The following CDH5 variants were observed in gnomAD, a reference collection of about 807,000 sequenced individuals.
The protein encoded by CDH5 is cadherin-5.
In CDH5, 28 loss-of-function variants were observed where a neutral mutation model predicts 62.0. The observed-to-expected ratio is 0.45, with a 90% CI of 0.33 to 0.62. CDH5 has a LOEUF of 0.62. Ranked by LOEUF, CDH5 falls within the 20% of genes least tolerant of loss-of-function variation. CDH5 has a pLI of 0.02. For synonymous variants in CDH5, 464 were observed against 445.8 expected, an observed-to-expected ratio of 1.04 and a Z score of -0.52; for missense variants, 940 against 1,065.1, an observed-to-expected ratio of 0.88 and a Z score of 1.63.
At chr16:66,379,205 G>T in intron 1 of CDH5, 114 bp from the exon 2 acceptor site, 1 of 761,248 alleles carries the variant, frequency 1.3e-6, no homozygotes, top group African/African-American at 1.7e-5. Flanking sequence ...CGCAGATTGT[G>T]TTTGCCCCAG....
chr16:66,376,540 G>A (rs1352949165), intron 1 of CDH5: 3 of 152,210 alleles, frequency 2.0e-5, no homozygotes, highest in African/African-American at 7.2e-5. Context: ...CTGCTTCAGA[G>A]AGGTGGGCTC....
At position 66,388,308 on chromosome 16, in the gene CDH5, G is replaced by C. The variant is rs376992967; in HGVS notation, c.500-16G>C. 1.3e-4 allele frequency: 206 copies of C among 1,565,928 alleles called. No homozygotes were observed. The highest frequency in any genetic ancestry group is 1.7e-4 in the Non-Finnish European group (190 of 1,136,336). On this transcript the variant is annotated splice_polypyrimidine_tract_variant and intron_variant, in intron 3 of 11. Coordinates refer to ENST00000341529, the MANE Select transcript of CDH5 (RefSeq NM_001795.5). Reference sequence around the variant, plus strand: ...AGCAGTCACAAGTCAGCAACCCCAGGATTCTCTCTCTGCAGGGACCTCAGT... The same window carrying C: ...AGCAGTCACAAGTCAGCAACCCCAGCATTCTCTCTCTGCAGGGACCTCAGT...
At chr16:66,392,578 C>A in intron 7 of CDH5, 195 bp downstream of exon 7, 2 of 657,918 alleles carry the variant, frequency 3.0e-6, no homozygotes, top group Non-Finnish European at 5.1e-6. Context: ...TGGACTCCCC[C>A]ACCTAGCATG....
chr16:66,378,773 C>A (rs1375900825), intron 1 of CDH5, among the ~76,000 whole-genome samples: 1 of 152,182 alleles, frequency 6.6e-6, no homozygotes. Context: ...ATGGTTTCCA[C>A]GTCTATTTTC....
chr16:66,379,297 A>G (rs1411072405), intron 1 of CDH5, 22 bp from the exon 2 acceptor site: 2 of 1,546,708 alleles, frequency 1.3e-6, no homozygotes, highest in Non-Finnish European at 1.8e-6. Flanking sequence ...CCAGAGTCTG[A>G]ATGTGTCTCC....
chr16:66,392,289 C>A lies in CDH5; in HGVS notation c.1123C>A (p.Pro375Thr), dbSNP rs779726552. 6.2e-7 allele frequency: 1 copy of A among 1,614,054 alleles called. No individual in the cohort carries two copies. Among genetic ancestry groups the A allele is most frequent in the African/African-American group, 1.3e-5 (1 of 74,900 alleles). The change falls in exon 7 of 12, where the codon CCT (proline) becomes ACT (threonine). Residue 375 changes from proline to threonine, a missense_variant. Pro to Thr is a conservative substitution (Grantham distance 38). Coordinates refer to ENST00000341529, the MANE Select transcript of CDH5 (RefSeq NM_001795.5). ...GGACGAGCCCCCCATTTTCCAGCAG[C>A]CTTTCTACCACTTCCAGCTGAAGGA... ...DVDEPPIFQQ[P>T]FYHFQLKENQ...
Position 66,402,926 on chromosome 16 carries a change from G to T in CDH5, c.2112G>T (p.Glu704Asp). Reference protein sequence around the residue: ...HAPGAHGGPGEMAAMIEVKKD... With the variant: ...HAPGAHGGPGDMAAMIEVKKD... ...CTGGGGCACACGGAGGGCCCGGGGA[G>T]ATGGCAGCCATGATCGAGGTGAAGA... The change falls in exon 12 of 12, where the codon GAG becomes GAT. Residue 704 changes from glutamate (E) to aspartate (D), a missense_variant. Physicochemically the swap from Glu to Asp is conservative, Grantham distance 45 (BLOSUM62 2). Transcript: ENST00000341529. 1 of 1,612,210 alleles carries T rather than the reference G, an allele frequency of 6.2e-7. No individual in the cohort carries two copies. The highest frequency in any genetic ancestry group is 8.5e-7 in the Non-Finnish European group (1 of 1,179,862).
At chr16:66,402,630 C>G (rs1194952147) in intron 11 of CDH5, 22 bp from the exon 12 acceptor site, 1 of 1,543,082 alleles carries the variant, frequency 6.5e-7, no homozygotes, top group Admixed American at 1.9e-5. Context: ...TCTGACTCTG[C>G]TGCTCGGCTC....
intron 4 of CDH5, 110 bp downstream of exon 4, chr16:66,388,550 T>C: frequency 1.3e-6 from 1 of 742,872 alleles, no homozygotes; most frequent in Non-Finnish European, 2.4e-6. Context: ...TGTCACTAGC[T>C]ACTGAACCAC....
chr16:66,369,356 G>A (rs980184299), intron 1 of CDH5, among the ~76,000 whole-genome samples: 2 of 152,154 alleles, frequency 1.3e-5, no homozygotes, highest in African/African-American at 2.4e-5. Context: ...GGGTAGATAG[G>A]AGTCAAGACA....
chr16:66,392,409 T>C (rs1194552306), intron 7 of CDH5, 26 bp downstream of exon 7: 1 of 1,612,732 alleles, frequency 6.2e-7, no homozygotes, highest in Non-Finnish European at 8.5e-7. Context: ...TCGATGAGAA[T>C]GATAAGGACA....
chr16:66,392,589 G>A, intron 7 of CDH5: 1 of 612,458 alleles, frequency 1.6e-6, no homozygotes, highest in South Asian at 2.0e-5. Flanking sequence ...ACCTAGCATG[G>A]TCCTGGGCAT....
chr16:66,378,570 A>T (rs1039612306), intron 1 of CDH5, among the ~76,000 whole-genome samples: 17 of 152,224 alleles, frequency 1.1e-4, no homozygotes, highest in Admixed American at 9.8e-4. Context: ...ATGTGAACTT[A>T]ACATCTGTGT....
chr16:66,401,126 A>C (rs1428721548), intron 11 of CDH5, 110 bp downstream of exon 11: 1 of 1,405,142 alleles, frequency 7.1e-7, no homozygotes. Flanking sequence ...TTCAGGCCCA[A>C]CCCTGCCTCC....
At chr16:66,366,855 C>G (rs900831101) in intron 1 of CDH5, 97 bp downstream of exon 1, 1 of 152,286 alleles carries the variant, frequency 6.6e-6, no homozygotes, top group Non-Finnish European at 1.5e-5. Flanking sequence ...GAATGGGCAT[C>G]GTCCCACTCC....
In CDH5 at chr16:66,390,929, T is replaced by C. The variant is rs149879780; in HGVS notation, c.969+339T>C. On this transcript the variant is annotated intron_variant, in intron 6 of 11. Transcript: ENST00000341529. ...GTATTTATACACCCGCTGTCCGTGG[T>C]GTTGACTGGGGGCTGCCCCTGGAGT... is the stretch of plus-strand genomic sequence containing the variant. 4.4e-3 allele frequency among the ~76,000 whole-genome samples: 670 copies of C among 152,256 alleles called. 6 individuals carry two copies. Among genetic ancestry groups the C allele is most frequent in the African/African-American group, 0.015 (622 of 41,550 alleles).
At chr16:66,374,742 T>A (rs1960754584) in intron 1 of CDH5, among the ~76,000 whole-genome samples, 4 of 151,764 alleles carry the variant, frequency 2.6e-5, no homozygotes, top group Admixed American at 2.6e-4. Flanking sequence ...TTATTCTGAA[T>A]GTGTTAGTTT....
Position 66,403,059 on chromosome 16 carries a change from G to T in CDH5, c.2245G>T (p.Asp749Tyr), listed in dbSNP as rs754669269. 1 of 1,613,522 alleles carries T rather than the reference G, an allele frequency of 6.2e-7. No homozygotes were observed. Among genetic ancestry groups the T allele is most frequent in the Non-Finnish European group, 8.5e-7 (1 of 1,179,794 alleles). ...IAESLSSLGTDSSDSDVDYDF... is the reference protein window; with the variant it reads ...IAESLSSLGTYSSDSDVDYDF... Reference sequence around the variant, plus strand: ...CGAGTCCCTCAGCTCCCTGGGCACCGACTCATCCGACTCTGACGTGGATTA... The same window carrying T: ...CGAGTCCCTCAGCTCCCTGGGCACCTACTCATCCGACTCTGACGTGGATTA... The change falls in exon 12 of 12, where the codon GAC becomes TAC. Residue 749 changes from aspartate (D) to tyrosine (Y), a missense_variant. By Grantham distance (160) the Asp-to-Tyr change is radical. Transcript: ENST00000341529. The surrounding 1 kb of genome is among the most constrained non-coding windows in gnomAD (Gnocchi z 4.3).
intron 3 of CDH5, 102 bp downstream of exon 3, chr16:66,387,199 T>A (rs983988463): frequency 9.1e-7 from 1 of 1,104,516 alleles, no homozygotes; most frequent in African/African-American, 1.6e-5. Flanking sequence ...ATCCAGTGAG[T>A]TCAGGGTAGT....
Sources: gnomAD v4.1 joint callset for allele counts (sites outside exome capture counted in the v4.1 genomes callset) on GRCh38, gnomAD v4.1.1 for gene constraint, Gnocchi (gnomAD v3.1) non-coding constraint, MANE v1.5 for transcripts, NCBI Gene and HGNC (gene_info 2026-07-23, HGNC 2026-07-21) for gene names.